Variants in CUL2 observed in about 807,000 individuals in gnomAD.
CUL2 encodes cullin 2.
In CUL2, 22 loss-of-function variants were observed where a neutral mutation model predicts 110.2. The observed-to-expected ratio is 0.20, with a 90% CI of 0.14 to 0.28. CUL2 has a LOEUF of 0.28. CUL2 is among the 10% of genes least tolerant of loss of function. CUL2 has a pLI of 1.00. For missense variants in CUL2, 631 were observed against 905.5 expected, an observed-to-expected ratio of 0.70 and a Z score of 3.89; for synonymous variants, 279 against 293.2, an observed-to-expected ratio of 0.95 and a Z score of 0.49.
At chr10:35,038,765 T>C (rs973691723) in intron 9 of CUL2, among the ~76,000 whole-genome samples, 155 bp downstream of exon 9, 2 of 151,982 alleles carry the variant, frequency 1.3e-5, no homozygotes, top group Non-Finnish European at 2.9e-5. Context: ...TTTCCTAAAA[T>C]AGTCTTTCAA....
chr10:35,065,248 CAAAA>C (rs1321018217), intron 2 of CUL2, among the ~76,000 whole-genome samples: 1 of 152,104 alleles, frequency 6.6e-6, no homozygotes, highest in African/African-American at 2.4e-5. Flanking sequence ...CTTTAAAAGA[CAAAA>C]AATGTTGGCT....
chr10:35,038,296 C>A (rs1178511714), intron 9 of CUL2, among the ~76,000 whole-genome samples: 2 of 151,508 alleles, frequency 1.3e-5, no homozygotes, highest in Non-Finnish European at 2.9e-5. Flanking sequence ...GAGGCTGAGG[C>A]GGGCGGACCA....
Position 35,011,921 on chromosome 10 carries a change from A to G in CUL2, c.2033T>C (p.Met678Thr). Residue 678 changes from methionine (M) to threonine (T), a missense_variant, in exon 20 of 21, where the codon ATG becomes ACG. This residue lies in a region of CUL2 where 159 missense variants were observed against 202.7 expected (regional missense o/e 0.78). Transcript: ENST00000374749. Reference protein sequence around the residue: ...TRSAVDEDRKMYLQAAIVRIM... With the variant: ...TRSAVDEDRKTYLQAAIVRIM... ...ACGAACTATAGCAGCTTGGAGATACATTTTCCGGTCCTCATCAACTGCACT... is the reference window on the plus strand; with the variant it reads ...ACGAACTATAGCAGCTTGGAGATACGTTTTCCGGTCCTCATCAACTGCACT... 1 of 1,613,172 alleles carries G rather than the reference A, an allele frequency of 6.2e-7. No homozygotes were observed. Among genetic ancestry groups the G allele is most frequent in the South Asian group, 1.1e-5 (1 of 91,018 alleles).
At chr10:35,048,999 T>C (rs1369399566) in intron 6 of CUL2, among the ~76,000 whole-genome samples, 1 of 152,192 alleles carries the variant, frequency 6.6e-6, no homozygotes. Flanking sequence ...TTCACTGGTC[T>C]AGATAATTCC....
upstream of CUL2, among the ~76,000 whole-genome samples, chr10:35,090,870 C>G (rs1005388997): frequency 1.3e-5 from 2 of 152,184 alleles, no homozygotes; most frequent in African/African-American, 4.8e-5. Flanking sequence ...TTCCTTGTTT[C>G]AGACCTATGT....
chr10:35,104,688 T>C (rs2087430117), intron 1 of CUL2, among the ~76,000 whole-genome samples: 2 of 152,034 alleles, frequency 1.3e-5, no homozygotes, highest in African/African-American at 2.4e-5. Flanking sequence ...TGGAATCCAA[T>C]ATATATTTTT....
intron 2 of CUL2, among the ~76,000 whole-genome samples, 188 bp from the exon 3 acceptor site, chr10:35,063,250 C>T (rs2086429190): frequency 1.3e-5 from 2 of 152,128 alleles, no homozygotes; most frequent in South Asian, 4.1e-4. Context: ...AAGATTCATT[C>T]ACTTATTCAT....
intron 5 of CUL2, among the ~76,000 whole-genome samples, chr10:35,053,097 CTGTG>C (rs952559870): frequency 3.3e-5 from 5 of 151,212 alleles, no homozygotes; most frequent in Admixed American, 6.6e-5. Context: ...ATCAAAACTG[CTGTG>C]TGTGTGTGTG....
intron 5 of CUL2, among the ~76,000 whole-genome samples, chr10:35,052,811 T>C (rs1441734221): frequency 2.7e-5 from 4 of 150,302 alleles, no homozygotes; most frequent in Non-Finnish European, 4.4e-5. Flanking sequence ...AGGAGACTAG[T>C]GTGAACCTGG....
At chr10:35,116,898 AG>A (rs1265671884) in intron 1 of CUL2, among the ~76,000 whole-genome samples, 3 of 151,636 alleles carry the variant, frequency 2.0e-5, no homozygotes, top group African/African-American at 7.3e-5. Context: ...TAGAGGTTGC[AG>A]TGAGTCGAGA....
rs1388823995 is a variant in CUL2 at position 35,031,268 on chromosome 10, T to A, written c.1386+32A>T. 7.3e-7 allele frequency: 1 copy of A among 1,366,368 alleles called. No homozygotes were observed. Among genetic ancestry groups the A allele is most frequent in the Non-Finnish European group, 1.0e-6 (1 of 982,856 alleles). 84.6% of individuals were successfully genotyped at this position (1,366,368 alleles called of 1,614,324 possible). On this transcript the variant is annotated intron_variant, in intron 14 of 20. Transcript: ENST00000374749. This position sits in a 1 kb window ranked among gnomAD's most constrained non-coding sequence, Gnocchi z 4.4. ...CTTTATGTGCTTGTGAATGAATTTC[T>A]AGGACAATACCACATTAAAGACTTA... is the stretch of plus-strand genomic sequence containing the variant.
At chr10:35,070,264 A>G (rs891193361) in intron 2 of CUL2, among the ~76,000 whole-genome samples, 8 of 152,188 alleles carry the variant, frequency 5.3e-5, no homozygotes, top group African/African-American at 1.9e-4. Flanking sequence ...AGTGCCCAGA[A>G]CATAGTTGGC....
chr10:35,045,160 A>C lies in CUL2; in HGVS notation c.507-292T>G, dbSNP rs1424262466. On this transcript the variant is annotated intron_variant, in intron 6 of 20. Transcript: ENST00000374749. ...AAGATAACACTTCTTTAATTTTAAC[A>C]AAGTAGATACGAGCCCATCAATTCA... 3.3e-5 allele frequency among the ~76,000 whole-genome samples: 5 copies of C among 152,354 alleles called. 1 individual carries two copies. In the South Asian group the frequency reaches 1.0e-3, roughly 32 times the overall value.
At chr10:35,112,846 A>C (rs1332634886) in intron 1 of CUL2, among the ~76,000 whole-genome samples, 1 of 152,182 alleles carries the variant, frequency 6.6e-6, no homozygotes, top group Non-Finnish European at 1.5e-5. Flanking sequence ...AATAATCTTA[A>C]AATAAAATTT....
intron 5 of CUL2, among the ~76,000 whole-genome samples, chr10:35,052,655 A>T (rs985490935): frequency 6.6e-6 from 1 of 152,132 alleles, no homozygotes; most frequent in Non-Finnish European, 1.5e-5. Flanking sequence ...CAGCACTTTG[A>T]GAAGCGGAGG....
Position 35,048,918 on chromosome 10 carries a change from A to T in CUL2, c.506+765T>A, listed in dbSNP as rs895855918. Among the ~76,000 whole-genome samples the T allele has an allele frequency of 6.0e-5, 9 of 149,872 alleles. No individual in the cohort carries two copies. The East Asian group carries it at 9.6e-4, about 16-fold the overall frequency. ...GGCTTTGACAAAGTATTCCTCATAT[A>T]AAAAAAACTCCTTATTTAGGTCTTC... On this transcript the variant is annotated intron_variant, in intron 6 of 20. Coordinates refer to ENST00000374749, the MANE Select transcript of CUL2 (RefSeq NM_003591.4).
upstream of CUL2, among the ~76,000 whole-genome samples, chr10:35,092,892 T>A (rs61841057): frequency 0.36 from 54,186 of 151,852 alleles, 11,756 homozygotes; most frequent in Middle Eastern, 0.49. Flanking sequence ...TAGGCATATT[T>A]CTATTAATAT....
intron 1 of CUL2, among the ~76,000 whole-genome samples, chr10:35,085,785 A>T (rs1348086589): frequency 6.6e-6 from 1 of 152,054 alleles, no homozygotes. Flanking sequence ...CACAAAGAAC[A>T]GGCAGATAAG....
Position 35,044,547 on chromosome 10 carries a change from G to T in CUL2, c.714+19C>A. ...AGATACAAAATAGATAAATGTATTC[G>T]ATATGTTTTATTTCTTACCTTTTCC... On this transcript the variant is annotated intron_variant, in intron 8 of 20. Coordinates refer to ENST00000374749, the MANE Select transcript of CUL2 (RefSeq NM_003591.4). 2.1e-6 allele frequency: 3 copies of T among 1,437,740 alleles called. No homozygotes were observed. The highest frequency in any genetic ancestry group is 2.5e-5 in the South Asian group (2 of 79,194). The allele number at this position is 1,437,740 out of a possible 1,614,324, so 89.1% of individuals were successfully genotyped here. A position where few individuals can be genotyped will look rare whatever the true frequency, so the allele number is the denominator to read the frequency against.
Sources: allele counts gnomAD v4.1 joint callset (sites outside exome capture counted in the v4.1 genomes callset), GRCh38; gene constraint gnomAD v4.1.1; regional missense constraint gnomAD v4.1.1; non-coding constraint Gnocchi (gnomAD v3.1); transcripts MANE v1.5; gene names NCBI Gene and HGNC (gene_info 2026-07-23, HGNC 2026-07-21).